TSBP1: variants seen among roughly 807,000 people sequenced by gnomAD.
TSBP1 encodes the protein testis-expressed basic protein 1.
TSBP1 carries 56 observed loss-of-function variants against 68.8 expected under a neutral mutation model. The ratio of observed to expected loss-of-function variants is 0.81; its 90% CI spans 0.66 to 1.02. The LOEUF is 1.02. Ranked by LOEUF, TSBP1 falls within the 50% of genes least tolerant of loss-of-function variation. TSBP1 has a pLI of 0.00. For synonymous variants in TSBP1, 171 were observed against 208.7 expected (o/e 0.82, Z 1.56); for missense variants, 502 against 641.2 (o/e 0.78, Z 2.34).
rs1161514907 is a variant in TSBP1 at position 32,364,416 on chromosome 6, T to G, written c.217+1751A>C. On this transcript the variant is annotated intron_variant, in intron 6 of 22. Coordinates refer to ENST00000612031, the Ensembl canonical transcript of TSBP1. Reference sequence around the variant, plus strand: ...ATTTCTTCATTTCTTTTCTTTGTGGTTTTTTTTTTTTTTTGTACTCTGACT... The same window carrying G: ...ATTTCTTCATTTCTTTTCTTTGTGGGTTTTTTTTTTTTTTGTACTCTGACT... 9.1e-5 allele frequency among the ~76,000 whole-genome samples: 4 copies of G among 43,958 alleles called. No individual in the cohort carries two copies. In the South Asian group the frequency reaches 3.2e-3, roughly 35 times the overall value. 28.8% of individuals were successfully genotyped at this position (43,958 alleles called of 152,430 possible).
chr6:32,301,968 C>CATA (rs9257080), intron 20 of TSBP1, among the ~76,000 whole-genome samples: 14 of 131,760 alleles, frequency 1.1e-4, no homozygotes, highest in Non-Finnish European at 1.8e-4. Flanking sequence ...AAATCATCAT[C>CATA]ATAATAATAA....
intron 19 of TSBP1, among the ~76,000 whole-genome samples, chr6:32,305,660 T>C: frequency 6.6e-6 from 1 of 152,168 alleles, no homozygotes; most frequent in East Asian, 1.9e-4. Context: ...CACACCCAGC[T>C]AATTTTTGTA....
At chr6:32,362,183 G>T (rs1273901941) in intron 6 of TSBP1, among the ~76,000 whole-genome samples, 1 of 151,604 alleles carries the variant, frequency 6.6e-6, no homozygotes, top group African/African-American at 2.4e-5. Context: ...CAGCAACTCG[G>T]GAGGCTGAGG....
chr6:32,325,475 A>T lies in TSBP1; in HGVS notation c.515-1861T>A, dbSNP rs1768124150. The T allele has an allele frequency of 1.1e-6, 1 of 906,702 alleles. No individual in the cohort carries two copies. Among genetic ancestry groups the T allele is most frequent in the African/African-American group, 1.6e-5 (1 of 60,880 alleles). 56.2% of individuals were successfully genotyped at this position (906,702 alleles called of 1,614,324 possible). A position where few individuals can be genotyped will look rare whatever the true frequency, so the allele number is the denominator to read the frequency against. On this transcript the variant is annotated intron_variant, in intron 16 of 22. Transcript: ENST00000612031. This position sits in a 1 kb window ranked among gnomAD's most constrained non-coding sequence, Gnocchi z 4.4. ...AGGTGGATGGAAGAGCTGTGGAACC[A>T]AAGAGAGCTGTCTCAAGAGAAGATT...
At chr6:32,330,669 C>G in intron 15 of TSBP1, 60 bp from the exon 17 acceptor site, 3 of 1,463,484 alleles carry the variant, frequency 2.0e-6, no homozygotes, top group Non-Finnish European at 1.9e-6. Flanking sequence ...CACACACACA[C>G]ACACACTTCT....
intron 19 of TSBP1, among the ~76,000 whole-genome samples, chr6:32,313,997 A>G (rs1323615161): frequency 6.6e-6 from 1 of 152,124 alleles, no homozygotes; most frequent in African/African-American, 2.4e-5. Flanking sequence ...ACCATCTAGG[A>G]TCAGGTGTTG....
chr6:32,322,204 G>A (rs137891295), intron 18 of TSBP1, among the ~76,000 whole-genome samples: 1 of 152,138 alleles, frequency 6.6e-6, no homozygotes, highest in Non-Finnish European at 1.5e-5. Context: ...TGTGAAAGGC[G>A]GTTTCACGAA....
chr6:32,328,674 C>T (rs1015730473), intron 16 of TSBP1, among the ~76,000 whole-genome samples: 1 of 152,112 alleles, frequency 6.6e-6, no homozygotes, highest in African/African-American at 2.4e-5. Flanking sequence ...ACCTTGGCCT[C>T]CCAAAGTGCT....
intron 18 of TSBP1, among the ~76,000 whole-genome samples, chr6:32,322,211 C>T (rs939849267): frequency 2.0e-5 from 3 of 152,156 alleles, no homozygotes; most frequent in South Asian, 2.1e-4. Context: ...GGCGGTTTCA[C>T]GAATTCTATA....
intron 1 of TSBP1, among the ~76,000 whole-genome samples, chr6:32,371,174 T>C (rs938980099): frequency 4.6e-5 from 3 of 64,684 alleles, no homozygotes; most frequent in Non-Finnish European, 1.0e-4. Context: ...CCCTCTATTA[T>C]GTGAATTTTT....
chr6:32,355,603 T>C, intron 7 of TSBP1, 46 bp downstream of exon 7: 1 of 1,588,710 alleles, frequency 6.3e-7, no homozygotes, highest in Non-Finnish European at 8.6e-7. Flanking sequence ...AGGGAAATGT[T>C]ACTAATAGGA....
At chr6:32,329,560 T>C (rs9368713) in intron 16 of TSBP1, among the ~76,000 whole-genome samples, 50,987 of 151,884 alleles carry the variant, frequency 0.34, 9,585 homozygotes, top group Middle Eastern at 0.52. Flanking sequence ...CGTAGTGTGG[T>C]TGTGTGGGAT....
In TSBP1 at chr6:32,338,848, A is replaced by G; in HGVS notation, c.409+131T>C. On this transcript the variant is annotated intron_variant, in intron 11 of 22. Transcript: ENST00000612031. This position sits in a 1 kb window ranked among gnomAD's most constrained non-coding sequence, Gnocchi z 5.5. ...CCAGTTTATTAAGATAAGAATAGGGAATAAACAAGGGGAAAGGAATGGACA... is the reference window on the plus strand; with the variant it reads ...CCAGTTTATTAAGATAAGAATAGGGGATAAACAAGGGGAAAGGAATGGACA... The G allele has an allele frequency of 1.3e-6, 1 of 777,354 alleles. No individual in the cohort carries two copies. The highest frequency in any genetic ancestry group is 1.5e-5 in the South Asian group (1 of 65,862). The allele number at this position is 777,354 out of a possible 1,614,324, so 48.2% of individuals were successfully genotyped here. A position where few individuals can be genotyped will look rare whatever the true frequency, so the allele number is the denominator to read the frequency against.
At position 32,330,674 on chromosome 6, in the gene TSBP1, A is replaced by ACACACT. The variant is rs549721169; in HGVS notation, c.494-66_494-65insAGTGTG. ...CACACACACACACACACACACACAC[A>ACACACT]CTTCTATTTTTTGAGACAGAGTCTC... On this transcript the variant is annotated intron_variant, in intron 15 of 22. Coordinates refer to ENST00000612031, the Ensembl canonical transcript of TSBP1. 1.6e-5 allele frequency: 23 copies of ACACACT among 1,429,708 alleles called. 1 individual carries two copies. Among genetic ancestry groups the ACACACT allele is most frequent in the Admixed American group, 1.1e-4 (5 of 46,452 alleles). The allele number at this position is 1,429,708 out of a possible 1,614,324, so 88.6% of individuals were successfully genotyped here.
At chr6:32,341,354 T>C (rs1039397666) in intron 9 of TSBP1, among the ~76,000 whole-genome samples, 10 of 152,192 alleles carry the variant, frequency 6.6e-5, no homozygotes, top group African/African-American at 2.4e-4. Flanking sequence ...CCAGACAGAA[T>C]TCCTGATTAT....
intron 18 of TSBP1, among the ~76,000 whole-genome samples, 198 bp downstream of exon 19, chr6:32,322,919 G>GAAA (rs56394704): frequency 0.33 from 50,628 of 151,570 alleles, 9,502 homozygotes; most frequent in Middle Eastern, 0.52. Context: ...CCTCCTACTT[G>GAAA]TTATTTCGTA....
In TSBP1 at chr6:32,365,430, C is replaced by T. The variant is rs1773587076; in HGVS notation, c.217+737G>A. On this transcript the variant is annotated intron_variant, in intron 6 of 22. Coordinates refer to ENST00000612031, the Ensembl canonical transcript of TSBP1. The surrounding 1 kb of genome is among the most constrained non-coding windows in gnomAD (Gnocchi z 4.3). ...ATGTGTGAAAGGCATGCCTGTGGGT[C>T]AGTAGTGCAAGGAGCATAGGTCACG... 2.2e-6 allele frequency: 1 copy of T among 456,904 alleles called. No individual in the cohort carries two copies. Among genetic ancestry groups the T allele is most frequent in the Non-Finnish European group, 4.4e-6 (1 of 227,058 alleles). The allele number at this position is 456,904 out of a possible 1,614,324, so 28.3% of individuals were successfully genotyped here.
chr6:32,327,420 G>A (rs1330056386), intron 16 of TSBP1, among the ~76,000 whole-genome samples: 1 of 152,126 alleles, frequency 6.6e-6, no homozygotes, highest in Non-Finnish European at 1.5e-5. Flanking sequence ...AGGATATGGG[G>A]GGCCCTAAAA....
chr6:32,316,063 C>T lies in TSBP1; in HGVS notation c.560-271G>A, dbSNP rs1371206438. ...GACCCAACAGCTTTGGGTATAGTCT[C>T]GGGTAGAGACTGCCATATCTTTCTG... is the stretch of plus-strand genomic sequence containing the variant. On this transcript the variant is annotated intron_variant, in intron 18 of 22. Transcript: ENST00000612031. This position sits in a 1 kb window ranked among gnomAD's most constrained non-coding sequence, Gnocchi z 4.5. Among the ~76,000 whole-genome samples, 4 of 152,246 alleles carry T rather than the reference C, an allele frequency of 2.6e-5. No individual in the cohort carries two copies. In the South Asian group the frequency reaches 8.3e-4, roughly 32 times the overall value.
Sources: gnomAD v4.1 joint callset for allele counts (sites outside exome capture counted in the v4.1 genomes callset) on GRCh38, gnomAD v4.1.1 for gene constraint, Gnocchi (gnomAD v3.1) non-coding constraint, MANE v1.5 for transcripts, NCBI Gene and HGNC (gene_info 2026-07-23, HGNC 2026-07-21) for gene names.